ELF2: variants seen among roughly 807,000 people sequenced by gnomAD.
ELF2 encodes E74 like ETS transcription factor 2.
Under a neutral mutation model 54.8 loss-of-function variants are expected in ELF2, and 11 were observed. The ratio of observed to expected loss-of-function variants is 0.20; its 90% CI spans 0.13 to 0.33. ELF2 has a LOEUF of 0.33. Among genes scored for constraint, ELF2 ranks in the 10% least tolerant of loss-of-function variants. The pLI is 1.00. For synonymous variants in ELF2, 203 were observed against 245.1 expected (o/e 0.83, Z 1.61); for missense variants, 513 against 703.0 (o/e 0.73, Z 3.06).
chr4:139,082,880 T>C (rs1260957827), intron 4 of ELF2, among the ~76,000 whole-genome samples: 4 of 152,250 alleles, frequency 2.6e-5, no homozygotes, highest in Admixed American at 2.0e-4. Context: ...CTGTCTGCTA[T>C]TAAGCAAAGC....
intron 3 of ELF2, among the ~76,000 whole-genome samples, chr4:139,130,959 G>C (rs929115544): frequency 6.6e-6 from 1 of 152,186 alleles, no homozygotes; most frequent in Non-Finnish European, 1.5e-5. Context: ...CTGTGTAGAA[G>C]AGTAGCTATT....
chr4:139,130,914 C>A (rs941470551), intron 3 of ELF2, among the ~76,000 whole-genome samples: 7 of 152,154 alleles, frequency 4.6e-5, no homozygotes, highest in African/African-American at 1.7e-4. Context: ...CCAGAGGACA[C>A]TGCATGCAGC....
At chr4:139,122,187 G>A (rs1398623097) in intron 4 of ELF2, among the ~76,000 whole-genome samples, 1 of 152,188 alleles carries the variant, frequency 6.6e-6, no homozygotes, top group East Asian at 1.9e-4. Flanking sequence ...GGAGCATTCT[G>A]TGAAGTTTTC....
intron 3 of ELF2, 38 bp downstream of exon 3, chr4:139,137,592 A>G: frequency 1.3e-6 from 2 of 1,598,136 alleles, no homozygotes; most frequent in South Asian, 1.1e-5. Context: ...ACAAATTTCT[A>G]TGAAGAAAAT....
chr4:139,137,591 T>C, intron 3 of ELF2, 39 bp downstream of exon 3: 1 of 1,597,662 alleles, frequency 6.3e-7, no homozygotes, highest in Non-Finnish European at 8.6e-7. Context: ...CACAAATTTC[T>C]ATGAAGAAAA....
At chr4:139,077,162 G>A (rs1338104321) in intron 4 of ELF2, among the ~76,000 whole-genome samples, 1 of 152,026 alleles carries the variant, frequency 6.6e-6, no homozygotes, top group Non-Finnish European at 1.5e-5. Context: ...AAAATGCTTA[G>A]GACCAGAAGT....
At chr4:139,160,492 G>A (rs1214498508) in intron 1 of ELF2, among the ~76,000 whole-genome samples, 1 of 152,028 alleles carries the variant, frequency 6.6e-6, no homozygotes, top group Non-Finnish European at 1.5e-5. Flanking sequence ...GTAGTGATGA[G>A]GAAGATTACA....
At chr4:139,114,137 T>G (rs547952754) in intron 4 of ELF2, among the ~76,000 whole-genome samples, 35 of 152,340 alleles carry the variant, frequency 2.3e-4, no homozygotes, top group African/African-American at 8.2e-4. Flanking sequence ...AACACTCTAT[T>G]GAAGTAAATA....
At chr4:139,177,265 C>T (rs1490485829), upstream of ELF2, 147 of 150,370 alleles carry the variant, frequency 9.8e-4, no homozygotes, top group African/African-American at 2.6e-3. Context: ...CTCCACCCCC[C>T]GCCTCGGCTC....
At chr4:139,160,005 G>A (rs1054720872) in intron 1 of ELF2, among the ~76,000 whole-genome samples, 3 of 152,194 alleles carry the variant, frequency 2.0e-5, no homozygotes, top group African/African-American at 7.2e-5. Flanking sequence ...GGAGGGGGGC[G>A]GAGCGGTAGC....
At chr4:139,153,505 C>T (rs920877388) in intron 1 of ELF2, among the ~76,000 whole-genome samples, 1 of 151,952 alleles carries the variant, frequency 6.6e-6, no homozygotes. Flanking sequence ...AACTCACTAT[C>T]CCAAAGGGAA....
At chr4:139,108,351 A>G (rs562544481) in intron 4 of ELF2, among the ~76,000 whole-genome samples, 24 of 152,340 alleles carry the variant, frequency 1.6e-4, no homozygotes, top group African/African-American at 5.8e-4. Flanking sequence ...TAAATTAACG[A>G]TAGAAGGGAG....
In ELF2 at chr4:139,062,494, T is replaced by C. The variant is rs1210076734; in HGVS notation, c.614-437A>G. 3.9e-5 allele frequency among the ~76,000 whole-genome samples: 6 copies of C among 152,186 alleles called. No individual in the cohort carries two copies. The East Asian group carries it at 9.6e-4, about 24-fold the overall frequency. On this transcript the variant is annotated intron_variant, in intron 7 of 9. Transcript: ENST00000686138. ...CCTGTTTCTACTTTTAAAAAAATGG[T>C]ATCCCCTATGTATGCTTACAGTTAT...
chr4:139,177,784 A>G (rs1424760176), upstream of ELF2, among the ~76,000 whole-genome samples: 6 of 152,204 alleles, frequency 3.9e-5, no homozygotes, highest in East Asian at 9.7e-4. Context: ...TCCCCAACTC[A>G]GGACTCTCGC....
chr4:139,062,129 G>T, intron 7 of ELF2, 72 bp from the exon 8 acceptor site: 1 of 1,403,632 alleles, frequency 7.1e-7, no homozygotes, highest in Non-Finnish European at 9.7e-7. Flanking sequence ...AGCAAATAAA[G>T]TGTCCTTCAT....
chr4:139,068,312 C>A (rs1040090076), intron 6 of ELF2, among the ~76,000 whole-genome samples: 7 of 152,198 alleles, frequency 4.6e-5, no homozygotes, highest in African/African-American at 1.7e-4. Flanking sequence ...AGCCACTGTA[C>A]CCGGCCTTGC....
At chr4:139,082,907 C>CT (rs1224021036) in intron 4 of ELF2, among the ~76,000 whole-genome samples, 5 of 152,228 alleles carry the variant, frequency 3.3e-5, no homozygotes, top group Non-Finnish European at 7.3e-5. Flanking sequence ...TTCTATGTAA[C>CT]TTAAGTCCGT....
intron 1 of ELF2, among the ~76,000 whole-genome samples, chr4:139,144,665 G>A (rs947465630): frequency 1.3e-5 from 2 of 152,200 alleles, no homozygotes; most frequent in Admixed American, 6.5e-5. Flanking sequence ...CTCTGAGTGA[G>A]AGACTTGCCT....
intron 1 of ELF2, among the ~76,000 whole-genome samples, chr4:139,160,527 A>C (rs1283217113): frequency 6.6e-6 from 1 of 152,190 alleles, no homozygotes; most frequent in Non-Finnish European, 1.5e-5. Flanking sequence ...AGGTAAAACA[A>C]CTCAAAACAT....
Sources: allele counts gnomAD v4.1 joint callset (sites outside exome capture counted in the v4.1 genomes callset), GRCh38; gene constraint gnomAD v4.1.1; transcripts MANE v1.5; gene names NCBI Gene and HGNC (gene_info 2026-07-23, HGNC 2026-07-21).